Variants in PPP2R5C observed in about 807,000 individuals in gnomAD.
PPP2R5C encodes protein phosphatase 2 regulatory subunit B'gamma.
In PPP2R5C, 7 loss-of-function variants were observed where a neutral mutation model predicts 68.9. The ratio of observed to expected loss-of-function variants is 0.10; its 90% CI spans 0.06 to 0.19. PPP2R5C has a LOEUF of 0.19. PPP2R5C is among the 10% of genes least tolerant of loss of function. The pLI is 1.00. For missense variants in PPP2R5C, 348 were observed against 641.3 expected (o/e 0.54, Z 4.94); for synonymous variants, 210 against 222.2 (o/e 0.95, Z 0.49).
At chr14:101,779,020 A>G (rs564881338) in intron 2 of PPP2R5C, among the ~76,000 whole-genome samples, 18 of 152,304 alleles carry the variant, frequency 1.2e-4, no homozygotes, top group Admixed American at 6.5e-5. Context: ...TGGTTGTGCA[A>G]TTGCACTCCA....
chr14:101,922,299 A>G lies in PPP2R5C; in HGVS notation c.1444-2842A>G, dbSNP rs1012116654. 20 of 583,658 alleles carry G rather than the reference A, an allele frequency of 3.4e-5. No individual in the cohort carries two copies. The African/African-American group carries it at 3.7e-4, about 11-fold the overall frequency. The allele number at this position is 583,658 out of a possible 1,614,324, so 36.2% of individuals were successfully genotyped here. ...AGGTCAGGAGTTCGAGACCAGCCTG[A>G]CCAACATGGTGAAACCCCATCTCTA... is the stretch of plus-strand genomic sequence containing the variant. On this transcript the variant is annotated intron_variant, in intron 13 of 13. Coordinates refer to ENST00000334743, the Ensembl canonical transcript of PPP2R5C.
At chr14:101,836,885 G>C (rs537269171) in intron 1 of PPP2R5C, among the ~76,000 whole-genome samples, 3 of 152,228 alleles carry the variant, frequency 2.0e-5, no homozygotes, top group African/African-American at 7.2e-5. Context: ...ACGCTAAAGC[G>C]TACAGTCCAT....
Position 101,866,820 on chromosome 14 carries a change from C to T in PPP2R5C, c.294+9935C>T, listed in dbSNP as rs562163354. 7.2e-5 allele frequency among the ~76,000 whole-genome samples: 11 copies of T among 152,288 alleles called. No individual in the cohort carries two copies. In the South Asian group the frequency reaches 1.9e-3, roughly 26 times the overall value. The stretch of plus-strand genomic sequence containing the variant: ...TCAGAATGGGCCAGGCACAGTGGCT[C>T]ATGCCTATAATCCAACTTTGGGAGG... On this transcript the variant is annotated intron_variant, in intron 2 of 13. Transcript: ENST00000334743.
At chr14:101,852,269 G>T (rs866927479) in intron 1 of PPP2R5C, among the ~76,000 whole-genome samples, 1 of 152,012 alleles carries the variant, frequency 6.6e-6, no homozygotes, top group South Asian at 2.1e-4. Context: ...CCAGTGAAAC[G>T]CATTCAATTT....
At chr14:101,857,953 C>G (rs2042522939) in intron 2 of PPP2R5C, among the ~76,000 whole-genome samples, 1 of 152,014 alleles carries the variant, frequency 6.6e-6, no homozygotes. Flanking sequence ...AAGTAATGTT[C>G]TTCGTTGTAG....
exon 14 of PPP2R5C, chr14:101,925,410 C>T (rs2047247356): frequency 7.3e-7 from 1 of 1,368,704 alleles, no homozygotes; most frequent in Admixed American, 2.9e-5. Context: ...AACGTGCGTC[C>T]GCCTCAGCGC....
At chr14:101,838,565 C>T (rs550578159) in intron 1 of PPP2R5C, among the ~76,000 whole-genome samples, 2 of 152,336 alleles carry the variant, frequency 1.3e-5, no homozygotes, top group South Asian at 4.1e-4. Flanking sequence ...CCCTCCTTTA[C>T]CTTCAGGGCC....
intron 2 of PPP2R5C, among the ~76,000 whole-genome samples, chr14:101,776,544 G>C (rs760801780): frequency 5.3e-5 from 8 of 152,098 alleles, no homozygotes; most frequent in Non-Finnish European, 1.0e-4. Context: ...TCCTCCCAAA[G>C]CGTGTGTGTC....
upstream of PPP2R5C, among the ~76,000 whole-genome samples, chr14:101,761,363 A>C (rs1286061793): frequency 1.3e-5 from 2 of 151,922 alleles, no homozygotes; most frequent in African/African-American, 4.8e-5. Flanking sequence ...AGTCGCAGCC[A>C]CATGCTCCCT....
chr14:101,912,668 A>G, intron 12 of PPP2R5C, 195 bp downstream of exon 14: 1 of 1,203,528 alleles, frequency 8.3e-7, no homozygotes, highest in Non-Finnish European at 1.1e-6. Flanking sequence ...ATATCGTTTT[A>G]CCACAGAATT....
chr14:101,889,877 G>A (rs561197876), intron 5 of PPP2R5C: 17 of 426,268 alleles, frequency 4.0e-5, no homozygotes, highest in Non-Finnish European at 6.0e-5. Context: ...AGTAAAAGAT[G>A]GATGAACAGA....
rs1040155052 is a variant in PPP2R5C at position 101,917,797 on chromosome 14, A to T, written c.1327-34A>T. 4.3e-6 allele frequency: 7 copies of T among 1,611,792 alleles called. No individual in the cohort carries two copies. Among genetic ancestry groups the T allele is most frequent in the Non-Finnish European group, 5.1e-6 (6 of 1,178,692 alleles). On this transcript the variant is annotated intron_variant, in intron 12 of 13. Transcript: ENST00000334743. This position sits in a 1 kb window ranked among gnomAD's most constrained non-coding sequence, Gnocchi z 4.4. ...GAAGCTTGGAGTTCAGAGCCTGGGCACCTAACAGAGCGACTCCACGCTTTG... is the reference window on the plus strand; with the variant it reads ...GAAGCTTGGAGTTCAGAGCCTGGGCTCCTAACAGAGCGACTCCACGCTTTG...
chr14:101,795,237 C>G (rs964842018), intron 3 of PPP2R5C, among the ~76,000 whole-genome samples: 2 of 152,134 alleles, frequency 1.3e-5, no homozygotes, highest in Admixed American at 1.3e-4. Context: ...CAGGCATTTT[C>G]AAAAACCCTT....
chr14:101,893,651 G>A (rs2045110981), intron 7 of PPP2R5C, among the ~76,000 whole-genome samples: 1 of 152,234 alleles, frequency 6.6e-6, no homozygotes, highest in African/African-American at 2.4e-5. Flanking sequence ...TCAGGAGGCT[G>A]AGGCAGGAGA....
At chr14:101,817,057 A>G (rs901026246) in intron 1 of PPP2R5C, among the ~76,000 whole-genome samples, 15 of 150,356 alleles carry the variant, frequency 1.0e-4, no homozygotes, top group Admixed American at 7.9e-4. Context: ...TCCTGGGTTC[A>G]AGCAATTCCA....
rs1053940983 is a variant in PPP2R5C at position 101,825,829 on chromosome 14, A to C, written c.94+15793A>C. Among the ~76,000 whole-genome samples, 3 of 152,210 alleles carry C rather than the reference A, an allele frequency of 2.0e-5. No individual in the cohort carries two copies. Among genetic ancestry groups the C allele is most frequent in the Non-Finnish European group, 4.4e-5 (3 of 68,036 alleles). On this transcript the variant is annotated intron_variant, in intron 1 of 13. Transcript: ENST00000334743. The surrounding 1 kb of genome is among the most constrained non-coding windows in gnomAD (Gnocchi z 4.0). ...ACTTCTGGGGCAGTAAGGGAAATTT[A>C]AGAAGGAAGTTGGGGAAGGTAGGAC...
At chr14:101,782,119 C>T (rs1442628945) in intron 2 of PPP2R5C, among the ~76,000 whole-genome samples, 1 of 76,206 alleles carries the variant, frequency 1.3e-5, no homozygotes, top group Non-Finnish European at 2.7e-5. Flanking sequence ...TCCCCCTCCC[C>T]CTTCTTCCCC....
At chr14:101,875,311 G>T (rs1312451817) in intron 2 of PPP2R5C, among the ~76,000 whole-genome samples, 1 of 152,142 alleles carries the variant, frequency 6.6e-6, no homozygotes, top group Non-Finnish European at 1.5e-5. Context: ...CCAGCAGGAA[G>T]ATATTAAACC....
Position 101,909,575 on chromosome 14 carries a change from GGT to G in PPP2R5C, c.1152-13_1152-12del. On this transcript the variant is annotated splice_polypyrimidine_tract_variant and intron_variant, in intron 10 of 13. Transcript: ENST00000334743. The stretch of plus-strand genomic sequence containing the variant: ...ATGCGTGCTCCCAGGCTCACCGTGC[GGT>G]TTTCTTTATAGGACAATACATGGCT... 6.4e-7 allele frequency: 1 copy of G among 1,569,622 alleles called. No individual in the cohort carries two copies. Among genetic ancestry groups the G allele is most frequent in the Non-Finnish European group, 8.8e-7 (1 of 1,140,880 alleles).
Sources: gnomAD v4.1 joint callset for allele counts (sites outside exome capture counted in the v4.1 genomes callset) on GRCh38, gnomAD v4.1.1 for gene constraint, Gnocchi (gnomAD v3.1) non-coding constraint, MANE v1.5 for transcripts, NCBI Gene and HGNC (gene_info 2026-07-23, HGNC 2026-07-21) for gene names.